Variants in BCAS1 observed in about 807,000 individuals in gnomAD.
BCAS1 encodes the protein brain enriched myelin associated protein 1.
In BCAS1, 46 loss-of-function variants were observed where a neutral mutation model predicts 65.4. The ratio of observed to expected loss-of-function variants is 0.70; its 90% confidence interval spans 0.55 to 0.90. The LOEUF is 0.90. BCAS1 is among the 40% of genes least tolerant of loss of function. The pLI, the probability that BCAS1 is intolerant of heterozygous loss-of-function variation, is 0.00. For missense variants in BCAS1, 793 were observed against 771.2 expected, an observed-to-expected ratio of 1.03 and a Z score of -0.33; for synonymous variants, 298 against 293.5, an observed-to-expected ratio of 1.02 and a Z score of -0.16.
intron 1 of BCAS1, among the ~76,000 whole-genome samples, chr20:54,068,172 G>T (rs1373446158): frequency 6.6e-6 from 1 of 152,180 alleles, no homozygotes; most frequent in East Asian, 1.9e-4. Flanking sequence ...GTGGGTCCAG[G>T]GGCAGGGGTG....
Position 54,003,438 on chromosome 20 carries a change from C to T in BCAS1, c.724-7388G>A, listed in dbSNP as rs141633609. ...GAATCAAGTCTCCCTCTCCCACCGA[C>T]GTTTTTCTGGGTCAGGCCACCCATG... On this transcript the variant is annotated intron_variant, in intron 4 of 12. Coordinates refer to ENST00000688948, the MANE Select transcript of BCAS1 (RefSeq NM_001366298.2). Among the ~76,000 whole-genome samples, 1,503 of 152,244 alleles carry T rather than the reference C, an allele frequency of 9.9e-3. 13 individuals carry two copies. The highest frequency in any genetic ancestry group is 0.041 in the South Asian group (199 of 4,826).
intron 1 of BCAS1, chr20:54,068,535 T>C (rs2092473519): frequency 6.5e-6 from 1 of 152,922 alleles, no homozygotes; most frequent in Admixed American, 6.5e-5. Flanking sequence ...GCCAGGCACT[T>C]CACACACATT....
intron 3 of BCAS1, among the ~76,000 whole-genome samples, chr20:54,041,295 G>A (rs948657065): frequency 6.6e-6 from 1 of 151,318 alleles, no homozygotes; most frequent in Admixed American, 6.6e-5. Flanking sequence ...TCACGGAATT[G>A]TCACTCTAAA....
chr20:54,046,497 C>T (rs1192840648), intron 3 of BCAS1, among the ~76,000 whole-genome samples: 1 of 143,706 alleles, frequency 7.0e-6, no homozygotes, highest in Non-Finnish European at 1.5e-5. Flanking sequence ...CCACTGCACT[C>T]CAGCCTGGTG....
intron 7 of BCAS1, among the ~76,000 whole-genome samples, chr20:53,987,035 G>C (rs2090632437): frequency 6.6e-6 from 1 of 152,156 alleles, no homozygotes; most frequent in Non-Finnish European, 1.5e-5. Context: ...GCTGAACAAG[G>C]GCACAACCTG....
chr20:53,957,577 T>C (rs2089740809), intron 10 of BCAS1, 80 bp from the exon 11 acceptor site: 1 of 1,304,666 alleles, frequency 7.7e-7, no homozygotes, highest in African/African-American at 1.5e-5. Context: ...AAATGGATGA[T>C]CTCAGTCATT....
At chr20:54,002,027 T>C (rs993922172) in intron 4 of BCAS1, among the ~76,000 whole-genome samples, 1 of 150,962 alleles carries the variant, frequency 6.6e-6, no homozygotes, top group African/African-American at 2.5e-5. Flanking sequence ...GTAAATGCCT[T>C]TCTGGTGGTT....
At chr20:54,062,288 T>C (rs2092385484) in intron 1 of BCAS1, among the ~76,000 whole-genome samples, 1 of 152,208 alleles carries the variant, frequency 6.6e-6, no homozygotes, top group African/African-American at 2.4e-5. Flanking sequence ...TGGTGAGTGC[T>C]TACCATCTGT....
chr20:53,946,505 G>GTATATATATATA lies in BCAS1; in HGVS notation c.1816-1521_1816-1510dup, dbSNP rs71196434. ...GTATAAGATTTATATATTGTATACA[G>GTATATATATATA]TATATATATATATATACACACACAC... On this transcript the variant is annotated intron_variant, in intron 12 of 12. Coordinates refer to ENST00000688948, the MANE Select transcript of BCAS1 (RefSeq NM_001366298.2). Among the ~76,000 whole-genome samples, 32 of 145,948 alleles carry GTATATATATATA rather than the reference G, an allele frequency of 2.2e-4. No homozygotes were observed. In the South Asian group the frequency reaches 3.2e-3, roughly 15 times the overall value.
At chr20:54,031,206 G>A (rs182658930) in intron 3 of BCAS1, among the ~76,000 whole-genome samples, 1 of 151,596 alleles carries the variant, frequency 6.6e-6, no homozygotes, top group East Asian at 1.9e-4. Context: ...AAAACACAAA[G>A]TACTTTCCAT....
In BCAS1 at chr20:54,034,269, G is replaced by A. The variant is rs369471112; in HGVS notation, c.143-5297C>T. ...ACCACTCCTATTCAACATAGTATTG[G>A]AAGTCTTGGCCAGGGCAATCGGGCA... On this transcript the variant is annotated intron_variant, in intron 3 of 12. Transcript: ENST00000688948. Among the ~76,000 whole-genome samples, 19 of 151,372 alleles carry A rather than the reference G, an allele frequency of 1.3e-4. 1 individual carries two copies. The highest frequency in any genetic ancestry group is 5.8e-4 in the East Asian group (3 of 5,180).
chr20:53,992,383 T>C, intron 7 of BCAS1, 129 bp downstream of exon 7: 1 of 687,470 alleles, frequency 1.5e-6, no homozygotes, highest in African/African-American at 1.9e-5. Context: ...CATCTTTAAT[T>C]CTCTTTTAAT....
At chr20:54,055,693 C>G (rs1015237256) in intron 3 of BCAS1, among the ~76,000 whole-genome samples, 1 of 152,178 alleles carries the variant, frequency 6.6e-6, no homozygotes, top group African/African-American at 2.4e-5. Flanking sequence ...AAAGTGGTAG[C>G]TGTAGCCCCA....
Position 54,041,908 on chromosome 20 carries a change from C to CAAAAAAAAAAAAAAAAAAAA in BCAS1, c.143-12937_143-12936insTTTTTTTTTTTTTTTTTTTT, listed in dbSNP as rs1391284796. ...AGTTCAGAGTGAGACTCTGTCTCCCCCAAAAAAAAAAAAAAAAAAAAAAGA... is the reference window on the plus strand; with the variant it reads ...AGTTCAGAGTGAGACTCTGTCTCCCCAAAAAAAAAAAAAAAAAAAACAAAAAAAAAAAAAAAAAAAAAAGA... On this transcript the variant is annotated intron_variant, in intron 3 of 12. Transcript: ENST00000688948. 1.5e-3 allele frequency among the ~76,000 whole-genome samples: 98 copies of CAAAAAAAAAAAAAAAAAAAA among 67,316 alleles called. 24 individuals carry two copies. The highest frequency in any genetic ancestry group is 1.6e-3 in the African/African-American group (30 of 18,622). 44.2% of individuals were successfully genotyped at this position (67,316 alleles called of 152,430 possible). A position where few individuals can be genotyped will look rare whatever the true frequency, so the allele number is the denominator to read the frequency against.
intron 4 of BCAS1, among the ~76,000 whole-genome samples, chr20:54,010,035 A>G (rs2091286686): frequency 6.6e-6 from 1 of 152,222 alleles, no homozygotes; most frequent in Non-Finnish European, 1.5e-5. Context: ...TCCTCCATTC[A>G]TGATAAATCT....
chr20:53,964,130 A>G (rs1268496740), intron 10 of BCAS1, among the ~76,000 whole-genome samples: 1 of 147,592 alleles, frequency 6.8e-6, no homozygotes, highest in African/African-American at 2.4e-5. Context: ...AACATACCAC[A>G]TGTCCATCCA....
rs1460495488 is a variant in BCAS1, at chr20:54,038,856, A to G, written c.143-9884T>C. Among the ~76,000 whole-genome samples the G allele has an allele frequency of 4.0e-5, 6 of 151,348 alleles. 1 individual carries two copies. Among genetic ancestry groups the G allele is most frequent in the Non-Finnish European group, 7.4e-5 (5 of 67,604 alleles). ...AAAGGGAAATTGTACATCTTGCAAA[A>G]GATGCAGGGGTTTATAGAGTCTTGT... On this transcript the variant is annotated intron_variant, in intron 3 of 12. Transcript: ENST00000688948.
At chr20:53,953,817 C>T in intron 11 of BCAS1, 122 bp from the exon 12 acceptor site, 1 of 1,178,474 alleles carries the variant, frequency 8.5e-7, no homozygotes, top group South Asian at 1.7e-5. Flanking sequence ...TTTCATGAAT[C>T]CTAGGTGAAA....
intron 4 of BCAS1, among the ~76,000 whole-genome samples, chr20:54,010,446 C>T (rs975823059): frequency 1.3e-5 from 2 of 152,118 alleles, no homozygotes; most frequent in Non-Finnish European, 2.9e-5. Flanking sequence ...TTTCTATATA[C>T]TAGGAATGAA....
Sources: allele counts gnomAD v4.1 joint callset (sites outside exome capture counted in the v4.1 genomes callset), GRCh38; gene constraint gnomAD v4.1.1; transcripts MANE v1.5; gene names NCBI Gene and HGNC (gene_info 2026-07-23, HGNC 2026-07-21).